Variants in CCDC110 observed in about 807,000 individuals in gnomAD.
The protein encoded by CCDC110 is coiled-coil domain-containing protein 110.
Under a neutral mutation model 77.1 loss-of-function variants are expected in CCDC110, and 70 were observed. The ratio of observed to expected loss-of-function variants is 0.91; its 90% CI spans 0.75 to 1.11. The LOEUF (loss-of-function observed/expected upper bound fraction) is 1.11, where lower values mean the gene tolerates loss of function less well. CCDC110 is among the 50% of genes least tolerant of loss of function. The pLI, the probability that CCDC110 is intolerant of heterozygous loss-of-function variation, is 0.00. For missense variants in CCDC110, 868 were observed against 942.9 expected, an observed-to-expected ratio of 0.92 and a Z score of 1.04; for synonymous variants, 295 against 312.5, an observed-to-expected ratio of 0.94 and a Z score of 0.59.
At chr4:185,457,631 T>C (rs925872041) in intron 6 of CCDC110, 23 of 578,706 alleles carry the variant, frequency 4.0e-5, no homozygotes, top group Non-Finnish European at 5.6e-5. Flanking sequence ...GTATAAAATA[T>C]ATACTTAATT....
Position 185,445,360 on chromosome 4 carries a change from A to G in CCDC110, c.*142T>C. 1 of 757,428 alleles carries G rather than the reference A, an allele frequency of 1.3e-6. No homozygotes were observed. The highest frequency in any genetic ancestry group is 2.7e-5 in the Admixed American group (1 of 37,152). The allele number at this position is 757,428 out of a possible 1,614,324, so 46.9% of individuals were successfully genotyped here. ...AAGCTTAAGTTATCTGCACCAAACC[A>G]TTCTGTGCATAATTTTTAAAGCAAA... On this transcript the variant is annotated 3_prime_UTR_variant, in exon 7 of 7. Transcript: ENST00000307588.
In CCDC110 at chr4:185,458,054, T is replaced by C. The variant is rs746896883; in HGVS notation, c.2461+72A>G. On this transcript the variant is annotated intron_variant, in intron 6 of 6. Transcript: ENST00000307588. ...CATTTTAAAGTTTCCTCCTTATTTCTGTACTCTGTAGTGCCCAATAGGCTA... is the reference window on the plus strand; with the variant it reads ...CATTTTAAAGTTTCCTCCTTATTTCCGTACTCTGTAGTGCCCAATAGGCTA... The C allele has an allele frequency of 3.9e-6, 4 of 1,027,840 alleles. No homozygotes were observed. The South Asian group carries it at 8.8e-5, about 23-fold the overall frequency. 63.7% of individuals were successfully genotyped at this position (1,027,840 alleles called of 1,614,324 possible). A position where few individuals can be genotyped will look rare whatever the true frequency, so the allele number is the denominator to read the frequency against.
chr4:185,464,554 G>A (rs922300867), intron 2 of CCDC110, among the ~76,000 whole-genome samples: 2 of 152,156 alleles, frequency 1.3e-5, no homozygotes, highest in Non-Finnish European at 2.9e-5. Context: ...ACCAGCATAG[G>A]AAGGAAACAC....
chr4:185,469,071 G>C (rs2095661190), intron 2 of CCDC110, among the ~76,000 whole-genome samples: 1 of 152,220 alleles, frequency 6.6e-6, no homozygotes, highest in East Asian at 1.9e-4. Context: ...TCCAATAAGG[G>C]TTAATTAGGT....
chr4:185,461,121 A>C lies in CCDC110; in HGVS notation c.276T>G (p.Ile92Met). The change falls in exon 5 of 7, where the codon ATT (isoleucine) becomes ATG (methionine). Residue 92 changes from isoleucine to methionine, a missense_variant. Coordinates refer to ENST00000307588, the MANE Select transcript of CCDC110 (RefSeq NM_152775.4). ...TAAATTGTGGGTTTTCTACTTCAAT[A>C]ATACTTTTGTTCAATATTTCACTGA... ...SEISEILNKS[I>M]IEVENPQFSS... The C allele has an allele frequency of 1.9e-6, 3 of 1,595,040 alleles. No homozygotes were observed. Among genetic ancestry groups the C allele is most frequent in the Non-Finnish European group, 2.6e-6 (3 of 1,170,960 alleles).
In CCDC110 at chr4:185,452,291, G is replaced by T. The variant is rs1223495724; in HGVS notation, c.2461+5835C>A. On this transcript the variant is annotated intron_variant, in intron 6 of 6. Transcript: ENST00000307588. The stretch of plus-strand genomic sequence containing the variant: ...GTAGTTTTCTGCATCCATCGTCAAT[G>T]AGTAATGGAAGAAATAAGCTTGCTC... 6 of 985,184 alleles carry T rather than the reference G, an allele frequency of 6.1e-6. No individual in the cohort carries two copies. In the East Asian group the frequency reaches 4.5e-4, roughly 74 times the overall value. 61.0% of individuals were successfully genotyped at this position (985,184 alleles called of 1,614,324 possible).
At chr4:185,457,428 C>T (rs1351461039) in intron 6 of CCDC110, 1 of 365,112 alleles carries the variant, frequency 2.7e-6, no homozygotes, top group Non-Finnish European at 5.3e-6. Flanking sequence ...CCTCTTTACA[C>T]TGCCTGTAGA....
chr4:185,459,782 A>G lies in CCDC110; in HGVS notation c.805T>C (p.Leu269=). The G allele has an allele frequency of 6.2e-7, 1 of 1,613,710 alleles. No homozygotes were observed. The highest frequency in any genetic ancestry group is 8.5e-7 in the Non-Finnish European group (1 of 1,179,894). ...EVALTNELQT[L]QTDPDVHRNG... ...CTGTGAACATCTGGATCAGTTTGTA[A>G]AGTCTGAAGTTCATTTGTAAGTGCC... Residue 269 remains leucine, a synonymous_variant, in exon 6 of 7, where the codon TTA becomes CTA. Transcript: ENST00000307588.
intron 2 of CCDC110, among the ~76,000 whole-genome samples, chr4:185,466,655 C>T (rs2095656772): frequency 6.6e-6 from 1 of 151,944 alleles, no homozygotes; most frequent in African/African-American, 2.4e-5. Context: ...CTGCAGCCTC[C>T]ACCTCCAAGG....
chr4:185,463,956 T>C lies in CCDC110; in HGVS notation c.116-907A>G, dbSNP rs546382344. Among the ~76,000 whole-genome samples the C allele has an allele frequency of 2.0e-5, 3 of 152,346 alleles. No individual in the cohort carries two copies. In the East Asian group the frequency reaches 5.8e-4, roughly 29 times the overall value. On this transcript the variant is annotated intron_variant, in intron 2 of 6. Transcript: ENST00000307588. ...ACAGAAGTACTCCAGCTTCTTTTGA[T>C]AATAGGCAGAATGTCACTTGCTTGA... is the stretch of plus-strand genomic sequence containing the variant.
chr4:185,458,584 T>C lies in CCDC110; in HGVS notation c.2003A>G (p.Tyr668Cys), dbSNP rs1467198590. Residue 668 changes from tyrosine to cysteine, a missense_variant, in exon 6 of 7, where the codon TAC becomes TGC. Physicochemically the swap from Tyr to Cys is radical, Grantham distance 194. Transcript: ENST00000307588. ...AAAATTCTCTTCGGCAGTAGATTGG[T>C]AGGTTTGAATATTCTCAATTTCTCT... ...MEREIENIQT[Y>C]QSTAEENFLQ... 1.9e-6 allele frequency: 3 copies of C among 1,608,036 alleles called. No homozygotes were observed. The highest frequency in any genetic ancestry group is 2.2e-5 in the South Asian group (2 of 90,700).
At chr4:185,457,677 A>G in intron 6 of CCDC110, 1 of 782,346 alleles carries the variant, frequency 1.3e-6, no homozygotes, top group Non-Finnish European at 1.9e-6. Context: ...CTAATCAATT[A>G]CCAGGTTAAT....
intron 6 of CCDC110, among the ~76,000 whole-genome samples, chr4:185,449,421 C>T (rs1015620602): frequency 3.3e-5 from 5 of 151,702 alleles, no homozygotes; most frequent in East Asian, 1.9e-4. Flanking sequence ...CTTGGGCGGC[C>T]GAGGCAGGAG....
chr4:185,450,821 C>T (rs897457060), intron 6 of CCDC110, among the ~76,000 whole-genome samples: 21 of 151,764 alleles, frequency 1.4e-4, no homozygotes, highest in African/African-American at 4.8e-4. Flanking sequence ...TATTGATAGC[C>T]CTCATTCACC....
At position 185,468,971 on chromosome 4, in the gene CCDC110, AC is replaced by A. The variant is rs2095660992; in HGVS notation, c.115+1973del. ...GTGCTCAAAAGAATATGCTCCACAA[AC>A]GAATGAATGAATGAAAGCTCGGGTA... On this transcript the variant is annotated intron_variant, in intron 2 of 6. Coordinates refer to ENST00000307588, the MANE Select transcript of CCDC110 (RefSeq NM_152775.4). The surrounding 1 kb of genome is among the most constrained non-coding windows in gnomAD (Gnocchi z 4.5). 6.6e-6 allele frequency among the ~76,000 whole-genome samples: 1 copy of A among 152,210 alleles called. No individual in the cohort carries two copies. Among genetic ancestry groups the A allele is most frequent in the Non-Finnish European group, 1.5e-5 (1 of 68,032 alleles).
chr4:185,463,843 G>A (rs949449423), intron 2 of CCDC110, among the ~76,000 whole-genome samples: 3 of 152,122 alleles, frequency 2.0e-5, no homozygotes, highest in African/African-American at 4.8e-5. Flanking sequence ...ATCTTGCTCC[G>A]TCTCTTCATT....
At chr4:185,446,598 A>G (rs1278930540) in intron 6 of CCDC110, among the ~76,000 whole-genome samples, 2 of 152,206 alleles carry the variant, frequency 1.3e-5, no homozygotes, top group Admixed American at 1.3e-4. Context: ...CTTTATATCA[A>G]TCAGGGACTA....
chr4:185,462,880 G>C lies in CCDC110; in HGVS notation c.171+114C>G, dbSNP rs141570541. ...TAACTCCCCAATGTGCTTTCATGGAGATCCTTGTGAGGATAAAGTGAGAGA... is the reference window on the plus strand; with the variant it reads ...TAACTCCCCAATGTGCTTTCATGGACATCCTTGTGAGGATAAAGTGAGAGA... On this transcript the variant is annotated intron_variant, in intron 3 of 6. Transcript: ENST00000307588. The C allele has an allele frequency of 4.5e-5, 47 of 1,055,170 alleles. No homozygotes were observed. The East Asian group carries it at 1.1e-3, about 25-fold the overall frequency. The allele number at this position is 1,055,170 out of a possible 1,614,324, so 65.4% of individuals were successfully genotyped here.
chr4:185,454,077 C>T (rs928820266), intron 6 of CCDC110, among the ~76,000 whole-genome samples: 1 of 152,060 alleles, frequency 6.6e-6, no homozygotes, highest in Non-Finnish European at 1.5e-5. Context: ...CTCGGCCTCC[C>T]AAAGTGCTGG....
Sources: gnomAD v4.1 joint callset for allele counts (sites outside exome capture counted in the v4.1 genomes callset) on GRCh38, gnomAD v4.1.1 for gene constraint, Gnocchi (gnomAD v3.1) non-coding constraint, MANE v1.5 for transcripts, NCBI Gene and HGNC (gene_info 2026-07-23, HGNC 2026-07-21) for gene names.